The following DLG1 variants were observed in gnomAD, a reference collection of about 807,000 sequenced individuals.
DLG1 encodes the protein discs large MAGUK scaffold protein 1.
In DLG1, 42 loss-of-function variants were observed where a neutral mutation model predicts 123.4. That is an observed-to-expected ratio of 0.34 (90% CI 0.27 to 0.44). DLG1 has a LOEUF of 0.44. Among genes scored for constraint, DLG1 ranks in the 20% least tolerant of loss-of-function variants. The pLI is 1.00. For missense variants in DLG1, 942 were observed against 1,082.6 expected, an observed-to-expected ratio of 0.87 and a Z score of 1.82; for synonymous variants, 317 against 356.2, an observed-to-expected ratio of 0.89 and a Z score of 1.24.
In DLG1 at chr3:197,051,592, T is replaced by C; in HGVS notation, c.2560A>G (p.Thr854Ala). The change falls in exon 24 of 25, where the codon ACT (threonine) becomes GCT (alanine). Residue 854 changes from threonine (T) to alanine (A), a missense_variant. Thr to Ala is a moderately conservative substitution (Grantham distance 58). Transcript: ENST00000667157. ...ERAMKLEQEF[T>A]EHFTAIVQGD... ...CGGTTCCAACCTGTGAAATGTTCAG[T>C]AAACTCCTGTTCCAGTTTCATGGCT... The C allele has an allele frequency of 6.2e-7, 1 of 1,613,896 alleles. No individual in the cohort carries two copies.
chr3:197,092,149 G>A (rs2149188188), intron 14 of DLG1, among the ~76,000 whole-genome samples: 1 of 152,218 alleles, frequency 6.6e-6, no homozygotes, highest in East Asian at 1.9e-4. Context: ...AGTTGTCTTT[G>A]GTATGTGTAG....
chr3:197,269,687 C>A (rs994146894), intron 4 of DLG1, among the ~76,000 whole-genome samples: 1 of 152,146 alleles, frequency 6.6e-6, no homozygotes, highest in African/African-American at 2.4e-5. Context: ...AGTATAAGCT[C>A]CACGTATTAA....
intron 5 of DLG1, among the ~76,000 whole-genome samples, chr3:197,192,969 T>C (rs1720460656): frequency 6.6e-6 from 1 of 152,062 alleles, no homozygotes; most frequent in African/African-American, 2.4e-5. Context: ...TGAAAATATA[T>C]CTGAAATGTT....
chr3:197,219,557 C>T (rs548545787), intron 4 of DLG1, among the ~76,000 whole-genome samples: 12 of 152,130 alleles, frequency 7.9e-5, no homozygotes, highest in Non-Finnish European at 1.5e-4. Context: ...TTATGTCCCC[C>T]GCCCTCCCCA....
chr3:197,064,919 A>AACTC (rs1738531832), intron 22 of DLG1, among the ~76,000 whole-genome samples: 1 of 151,580 alleles, frequency 6.6e-6, no homozygotes, highest in Admixed American at 6.6e-5. Flanking sequence ...TGATTCTCTC[A>AACTC]ACTCAGCCTT....
chr3:197,173,182 G>C (rs182360669), intron 5 of DLG1, among the ~76,000 whole-genome samples: 6 of 152,160 alleles, frequency 3.9e-5, no homozygotes, highest in Non-Finnish European at 8.8e-5. Context: ...CAACCCTCTA[G>C]CTAAAACATG....
At chr3:197,284,900 G>A (rs1325748914) in intron 3 of DLG1, among the ~76,000 whole-genome samples, 4 of 151,680 alleles carry the variant, frequency 2.6e-5, no homozygotes, top group Admixed American at 2.0e-4. Context: ...CCACAAGTCC[G>A]ATTCCTGAAC....
At chr3:197,079,218 T>TATC (rs891154655) in intron 17 of DLG1, among the ~76,000 whole-genome samples, 1 of 152,198 alleles carries the variant, frequency 6.6e-6, no homozygotes, top group Non-Finnish European at 1.5e-5. Flanking sequence ...ATTGATAAAA[T>TATC]ATCATAAATT....
intron 5 of DLG1, among the ~76,000 whole-genome samples, chr3:197,192,507 G>C (rs2150239994): frequency 6.6e-6 from 1 of 151,970 alleles, no homozygotes; most frequent in South Asian, 2.1e-4. Flanking sequence ...AGGAAGAAAA[G>C]ATAGAAGAAC....
Position 197,043,430 on chromosome 3 carries a change from C to T in DLG1, c.*1193G>A, listed in dbSNP as rs1721220700. 6.6e-6 allele frequency: 1 copy of T among 152,096 alleles called. No individual in the cohort carries two copies. The allele number at this position is 152,096 out of a possible 1,614,324, so 9.4% of individuals were successfully genotyped here. A position where few individuals can be genotyped will look rare whatever the true frequency, so the allele number is the denominator to read the frequency against. ...CACACTTTTACTTATAATCTAATTT[C>T]CCTAAATGTTTCCTCCTCATGACCA... On this transcript the variant is annotated 3_prime_UTR_variant, in exon 25 of 25. Coordinates refer to ENST00000667157, the MANE Select transcript of DLG1 (RefSeq NM_001366207.1).
intron 13 of DLG1, among the ~76,000 whole-genome samples, chr3:197,106,348 G>A (rs999189104): frequency 1.8e-4 from 27 of 152,302 alleles, no homozygotes; most frequent in African/African-American, 6.5e-4. Flanking sequence ...GGAAGTTACA[G>A]TGAGCTGAGA....
chr3:197,090,271 C>T (rs1292297057), intron 15 of DLG1, among the ~76,000 whole-genome samples: 2 of 149,154 alleles, frequency 1.3e-5, no homozygotes, highest in South Asian at 2.1e-4. Flanking sequence ...CAAATACATT[C>T]GGATTTCTGT....
intron 4 of DLG1, among the ~76,000 whole-genome samples, chr3:197,217,396 A>C (rs1202213820): frequency 2.0e-5 from 3 of 152,256 alleles, no homozygotes; most frequent in African/African-American, 4.8e-5. Flanking sequence ...GAACCATCGA[A>C]GTTTGTAAAC....
intron 5 of DLG1, among the ~76,000 whole-genome samples, chr3:197,179,838 A>T (rs1809169070): frequency 6.6e-6 from 1 of 152,166 alleles, no homozygotes; most frequent in African/African-American, 2.4e-5. Flanking sequence ...AAAGTGTACA[A>T]ATTAGCCTAA....
At chr3:197,244,607 T>C (rs1318160922) in intron 4 of DLG1, among the ~76,000 whole-genome samples, 1 of 152,042 alleles carries the variant, frequency 6.6e-6, no homozygotes, top group Non-Finnish European at 1.5e-5. Context: ...TTTTTTTTTT[T>C]ATCTTTAGCT....
chr3:197,270,969 T>C (rs553850500), intron 4 of DLG1, among the ~76,000 whole-genome samples: 10 of 152,226 alleles, frequency 6.6e-5, no homozygotes, highest in African/African-American at 2.4e-4. Context: ...ATAAAACAAC[T>C]GGCATGGTCT....
chr3:197,258,965 T>C (rs1321611708), intron 4 of DLG1, among the ~76,000 whole-genome samples: 1 of 152,166 alleles, frequency 6.6e-6, no homozygotes, highest in Non-Finnish European at 1.5e-5. Flanking sequence ...TTACATCTAA[T>C]TTTTTAAGCA....
At chr3:197,076,521 C>A in intron 18 of DLG1, 65 bp downstream of exon 18, 1 of 1,269,162 alleles carries the variant, frequency 7.9e-7, no homozygotes, top group South Asian at 1.4e-5. Flanking sequence ...TGGTAACAAC[C>A]AACTGCAGGG....
chr3:197,150,833 A>G (rs1793501973), intron 5 of DLG1, among the ~76,000 whole-genome samples: 1 of 152,138 alleles, frequency 6.6e-6, no homozygotes, highest in African/African-American at 2.4e-5. Context: ...CAAAATGCTT[A>G]AAGACAACCT....
Sources: allele counts gnomAD v4.1 joint callset (sites outside exome capture counted in the v4.1 genomes callset), GRCh38; gene constraint gnomAD v4.1.1; transcripts MANE v1.5; gene names NCBI Gene and HGNC (gene_info 2026-07-23, HGNC 2026-07-21).